Variants in ADAMTSL1 observed in about 807,000 individuals in gnomAD.
The protein encoded by ADAMTSL1 is ADAMTS like 1.
Under a neutral mutation model 201.8 loss-of-function variants are expected in ADAMTSL1, and 126 were observed. The ratio of observed to expected loss-of-function variants is 0.62; its 90% CI spans 0.54 to 0.72. The LOEUF is 0.72. ADAMTSL1 is among the 30% of genes least tolerant of loss of function. The pLI is 0.00. For synonymous variants in ADAMTSL1, 1,121 were observed against 903.4 expected, an observed-to-expected ratio of 1.24 and a Z score of -4.32; for missense variants, 2,679 against 2,277.8, an observed-to-expected ratio of 1.18 and a Z score of -3.59.
intron 7 of ADAMTSL1, among the ~76,000 whole-genome samples, chr9:18,653,042 ACT>A (rs967516962): frequency 6.6e-6 from 1 of 152,228 alleles, no homozygotes; most frequent in African/African-American, 2.4e-5. Flanking sequence ...AGAGGTAGTG[ACT>A]CTGCCAATAT....
intron 2 of ADAMTSL1, among the ~76,000 whole-genome samples, chr9:18,186,096 A>G (rs987265597): frequency 3.9e-5 from 6 of 152,182 alleles, no homozygotes; most frequent in Admixed American, 1.3e-4. Flanking sequence ...AGTACCACGT[A>G]TTTCTGTGCA....
chr9:18,214,303 C>T (rs1829988020), intron 2 of ADAMTSL1, among the ~76,000 whole-genome samples: 1 of 152,118 alleles, frequency 6.6e-6, no homozygotes, highest in African/African-American at 2.4e-5. Flanking sequence ...AATTCAAATA[C>T]AGTTTATTTT....
intron 2 of ADAMTSL1, among the ~76,000 whole-genome samples, chr9:18,394,579 G>T (rs530105681): frequency 2.0e-5 from 3 of 152,262 alleles, no homozygotes; most frequent in South Asian, 4.1e-4. Context: ...ATCACAAAAA[G>T]CTCATTCTTG....
chr9:18,462,298 A>G lies in ADAMTSL1; in HGVS notation c.208-42531A>G, dbSNP rs113875131. Among the ~76,000 whole-genome samples, 332 of 152,306 alleles carry G rather than the reference A, an allele frequency of 2.2e-3. 3 individuals carry two copies. The highest frequency in any genetic ancestry group is 7.3e-3 in the African/African-American group (303 of 41,576). Reference sequence around the variant, plus strand: ...CCTTGAAAACTCCTGTATAGAAATGAATTTATTCCTTCAACGAATACTTGA... The same window carrying G: ...CCTTGAAAACTCCTGTATAGAAATGGATTTATTCCTTCAACGAATACTTGA... On this transcript the variant is annotated intron_variant, in intron 2 of 29. Coordinates refer to the ADAMTSL1 transcript ENST00000680146.
chr9:18,763,554 T>G (rs1406285997), intron 16 of ADAMTSL1, among the ~76,000 whole-genome samples: 1 of 152,086 alleles, frequency 6.6e-6, no homozygotes, highest in Non-Finnish European at 1.5e-5. Flanking sequence ...CTCAAGAAAT[T>G]TTTGTCCAGA....
intron 1 of ADAMTSL1, among the ~76,000 whole-genome samples, chr9:18,484,958 A>C (rs1200809054): frequency 6.6e-6 from 1 of 152,214 alleles, no homozygotes; most frequent in African/African-American, 2.4e-5. Context: ...TAATAAAATA[A>C]ATTTCTCTCA....
At chr9:18,108,226 G>C (rs1020828828) in intron 1 of ADAMTSL1, among the ~76,000 whole-genome samples, 13 of 144,354 alleles carry the variant, frequency 9.0e-5, no homozygotes, top group African/African-American at 5.2e-5. Context: ...TTTGAAACAG[G>C]GTTCTACTCT....
chr9:18,448,382 A>G (rs1347609273), intron 2 of ADAMTSL1, among the ~76,000 whole-genome samples: 1 of 152,180 alleles, frequency 6.6e-6, no homozygotes, highest in Non-Finnish European at 1.5e-5. Flanking sequence ...GTTTGAAACT[A>G]GGACAATGAG....
chr9:18,238,408 A>G (rs959443397), intron 2 of ADAMTSL1, among the ~76,000 whole-genome samples: 2 of 152,162 alleles, frequency 1.3e-5, no homozygotes, highest in African/African-American at 4.8e-5. Flanking sequence ...CCCTTTGTGC[A>G]GGCAGCAGAG....
At position 18,059,300 on chromosome 9, in the gene ADAMTSL1, C is replaced by A. The variant is rs186477346; in HGVS notation, c.88-104562C>A. Among the ~76,000 whole-genome samples the A allele has an allele frequency of 4.5e-4, 69 of 152,274 alleles. 1 individual carries two copies. The East Asian group carries it at 0.012, about 27-fold the overall frequency. ...TTCTTCAGTGCTTGTGTTGCAACTG[C>A]AGTCTTGATAGTGCTTGGTGTTTGT... is the stretch of plus-strand genomic sequence containing the variant. On this transcript the variant is annotated intron_variant, in intron 1 of 29. Transcript: ENST00000680146.
intron 23 of ADAMTSL1, among the ~76,000 whole-genome samples, chr9:18,837,045 T>G (rs1430191666): frequency 6.6e-6 from 1 of 152,180 alleles, no homozygotes; most frequent in Admixed American, 6.5e-5. Flanking sequence ...AATCATATAG[T>G]CAGTGAAGAG....
rs181045349 is a variant in ADAMTSL1 at position 18,679,854 on chromosome 9, A to G, written c.1137-458A>G. 4.6e-5 allele frequency among the ~76,000 whole-genome samples: 7 copies of G among 152,368 alleles called. No individual in the cohort carries two copies. In the East Asian group the frequency reaches 1.3e-3, roughly 29 times the overall value. ...TATTAAAAAAAATACCTAGAAGTTA[A>G]GTAATAAAGCATTACATTGAAAATA... On this transcript the variant is annotated intron_variant, in intron 10 of 28. Transcript: ENST00000380548.
chr9:18,242,882 G>C (rs10810933), intron 2 of ADAMTSL1, among the ~76,000 whole-genome samples: 1 of 151,940 alleles, frequency 6.6e-6, no homozygotes, highest in African/African-American at 2.4e-5. Context: ...CATGTTCATA[G>C]ATTGAAGTAA....
chr9:18,718,661 A>G, intron 14 of ADAMTSL1: 2 of 353,684 alleles, frequency 5.7e-6, no homozygotes, highest in East Asian at 1.5e-4. Context: ...GCTGGTTTAC[A>G]CACCTGACTC....
At chr9:18,756,323 A>G (rs990518897) in intron 16 of ADAMTSL1, among the ~76,000 whole-genome samples, 13 of 151,244 alleles carry the variant, frequency 8.6e-5, no homozygotes, top group African/African-American at 3.2e-4. Context: ...TCACTTTTAG[A>G]AATCTCTAAA....
intron 1 of ADAMTSL1, among the ~76,000 whole-genome samples, chr9:18,149,811 G>C (rs1421328246): frequency 1.3e-5 from 2 of 152,144 alleles, no homozygotes; most frequent in East Asian, 3.9e-4. Flanking sequence ...CCAGGAGAGG[G>C]CTGACCAAAC....
intron 23 of ADAMTSL1, among the ~76,000 whole-genome samples, chr9:18,841,989 C>G (rs1419606157): frequency 1.3e-5 from 2 of 151,906 alleles, no homozygotes; most frequent in Non-Finnish European, 2.9e-5. Flanking sequence ...AAAAAACCAG[C>G]TCCTGGATTC....
rs191683031 is a variant in ADAMTSL1, at chr9:18,832,931, G to C, written c.4249+2954G>C. Among the ~76,000 whole-genome samples the C allele has an allele frequency of 1.8e-4, 28 of 152,328 alleles. No homozygotes were observed. In the East Asian group the frequency reaches 4.2e-3, roughly 23 times the overall value. On this transcript the variant is annotated intron_variant, in intron 23 of 28. Coordinates refer to ENST00000380548, the MANE Select transcript of ADAMTSL1 (RefSeq NM_001040272.6). ...GTTTCCCAGCAGTAAGGGGGGAAAG[G>C]AGAGTTGGAGTTTTTTAAGCCATGT...
At chr9:18,894,483 T>C (rs902492628) in intron 26 of ADAMTSL1, among the ~76,000 whole-genome samples, 2 of 151,444 alleles carry the variant, frequency 1.3e-5, no homozygotes, top group African/African-American at 4.9e-5. Context: ...GCAGTACCAA[T>C]GGAGAGGAAT....
Sources: allele counts gnomAD v4.1 joint callset (sites outside exome capture counted in the v4.1 genomes callset), GRCh38; gene constraint gnomAD v4.1.1; transcripts MANE v1.5; gene names NCBI Gene and HGNC (gene_info 2026-07-23, HGNC 2026-07-21).